Variants in PRKCB observed in about 807,000 individuals in gnomAD.
PRKCB encodes protein kinase C beta type.
PRKCB carries 13 observed loss-of-function variants against 81.5 expected under a neutral mutation model. The ratio of observed to expected loss-of-function variants is 0.16; its 90% CI spans 0.10 to 0.25. The LOEUF (loss-of-function observed/expected upper bound fraction) is 0.25. Among genes scored for constraint, PRKCB ranks in the 10% least tolerant of loss-of-function variants. PRKCB has a pLI of 1.00. For missense variants in PRKCB, 509 were observed against 875.7 expected (o/e 0.58, Z 5.29); for synonymous variants, 335 against 321.4 (o/e 1.04, Z -0.45).
Position 24,194,509 on chromosome 16 carries a change from A to G in PRKCB, c.1863+3279A>G, listed in dbSNP as rs796554045. Reference sequence around the variant, plus strand: ...TCAGGGGTAGTGATGGTTCAAAGTCAGGTTGCTATTTAGCCAGCATCTGTT... The same window carrying G: ...TCAGGGGTAGTGATGGTTCAAAGTCGGGTTGCTATTTAGCCAGCATCTGTT... On this transcript the variant is annotated intron_variant, in intron 16 of 16. Transcript: ENST00000643927. Among the ~76,000 whole-genome samples the G allele has an allele frequency of 1.6e-4, 24 of 152,296 alleles. No individual in the cohort carries two copies. In the East Asian group the frequency reaches 3.1e-3, roughly 20 times the overall value.
intron 2 of PRKCB, among the ~76,000 whole-genome samples, chr16:23,979,574 A>G (rs1423151058): frequency 2.0e-5 from 3 of 152,092 alleles, no homozygotes; most frequent in Non-Finnish European, 4.4e-5. Context: ...GGGAATGTAC[A>G]GGAAGATATG....
At chr16:24,208,222 T>G (rs1404268385) in intron 16 of PRKCB, 4 of 152,256 alleles carry the variant, frequency 2.6e-5, no homozygotes, top group Non-Finnish European at 1.5e-5. Flanking sequence ...CAGTGAGCTA[T>G]GATCACGCCA....
intron 15 of PRKCB, among the ~76,000 whole-genome samples, chr16:24,190,460 A>G (rs1967772314): frequency 6.6e-6 from 1 of 151,010 alleles, no homozygotes; most frequent in African/African-American, 2.4e-5. Context: ...AAATGGATAA[A>G]TGGATCATGT....
At chr16:24,083,046 A>G in intron 5 of PRKCB, among the ~76,000 whole-genome samples, 1 of 152,222 alleles carries the variant, frequency 6.6e-6, no homozygotes, top group Non-Finnish European at 1.5e-5. Flanking sequence ...ACTTTACCAA[A>G]TAATACAAGG....
chr16:24,071,534 G>T (rs1025097989), intron 5 of PRKCB, among the ~76,000 whole-genome samples: 2 of 151,790 alleles, frequency 1.3e-5, no homozygotes, highest in African/African-American at 4.8e-5. Context: ...TTTTAATGTG[G>T]ATCCAGAATT....
At chr16:23,892,728 C>T (rs74014172) in intron 2 of PRKCB, among the ~76,000 whole-genome samples, 1 of 152,136 alleles carries the variant, frequency 6.6e-6, no homozygotes, top group South Asian at 2.1e-4. Context: ...TGGATGGGAG[C>T]TCAACACAAT....
chr16:23,984,640 G>A (rs1399742072), intron 2 of PRKCB, among the ~76,000 whole-genome samples: 3 of 152,056 alleles, frequency 2.0e-5, no homozygotes, highest in Admixed American at 2.0e-4. Context: ...ACCTAACAAT[G>A]CAATATGAAG....
intron 5 of PRKCB, among the ~76,000 whole-genome samples, chr16:24,086,412 C>T (rs1388373488): frequency 6.6e-6 from 1 of 152,182 alleles, no homozygotes; most frequent in African/African-American, 2.4e-5. Flanking sequence ...TCCCTCCAAC[C>T]CTGGTTAGGG....
At chr16:24,119,261 G>C (rs1421272819) in intron 8 of PRKCB, among the ~76,000 whole-genome samples, 1 of 151,974 alleles carries the variant, frequency 6.6e-6, no homozygotes, top group Non-Finnish European at 1.5e-5. Flanking sequence ...CAGATTCAGA[G>C]GAGAGAAGGG....
chr16:23,856,335 C>A (rs1004414193), intron 2 of PRKCB, among the ~76,000 whole-genome samples: 11 of 152,154 alleles, frequency 7.2e-5, no homozygotes, highest in Non-Finnish European at 1.6e-4. Context: ...TTGCCCTTAA[C>A]CCCTGTATCA....
At chr16:24,175,828 C>T (rs1967520767) in intron 12 of PRKCB, among the ~76,000 whole-genome samples, 2 of 151,742 alleles carry the variant, frequency 1.3e-5, no homozygotes, top group Non-Finnish European at 2.9e-5. Context: ...TAAAATTAGC[C>T]AGGTGTGATG....
chr16:24,020,232 G>T (rs936563027), intron 3 of PRKCB, among the ~76,000 whole-genome samples: 2 of 152,114 alleles, frequency 1.3e-5, no homozygotes, highest in Non-Finnish European at 2.9e-5. Context: ...AGAAAAGGCA[G>T]TTTGCATATT....
At chr16:23,940,859 TCA>T (rs766936571) in intron 2 of PRKCB, among the ~76,000 whole-genome samples, 25 of 152,178 alleles carry the variant, frequency 1.6e-4, no homozygotes, top group Non-Finnish European at 3.2e-4. Context: ...ATTTACTCTC[TCA>T]GTCTCAATCT....
intron 2 of PRKCB, among the ~76,000 whole-genome samples, chr16:23,920,572 C>G (rs970270841): frequency 2.6e-5 from 4 of 152,194 alleles, no homozygotes; most frequent in African/African-American, 7.2e-5. Context: ...CAGAGGGAAG[C>G]AGAGCCCCTG....
At chr16:23,951,581 T>A (rs1293333275) in intron 2 of PRKCB, among the ~76,000 whole-genome samples, 4 of 16,586 alleles carry the variant, frequency 2.4e-4, no homozygotes, top group Non-Finnish European at 6.6e-4. Context: ...ATGCCAGGCT[T>A]TTTTTTTTTT....
chr16:24,081,678 A>C (rs890749467), intron 5 of PRKCB, among the ~76,000 whole-genome samples: 2 of 151,994 alleles, frequency 1.3e-5, no homozygotes, highest in Non-Finnish European at 2.9e-5. Flanking sequence ...TTCGAGACCA[A>C]CCTGGCCAAC....
At chr16:24,092,192 C>T (rs1966384495) in intron 5 of PRKCB, among the ~76,000 whole-genome samples, 1 of 152,182 alleles carries the variant, frequency 6.6e-6, no homozygotes, top group Admixed American at 6.5e-5. Flanking sequence ...TCCCTCCAGC[C>T]TCTGGCAACT....
At chr16:24,183,397 T>C (rs1255215718) in intron 13 of PRKCB, among the ~76,000 whole-genome samples, 1 of 152,240 alleles carries the variant, frequency 6.6e-6, no homozygotes, top group Non-Finnish European at 1.5e-5. Flanking sequence ...TAGATTGTTA[T>C]TAACTATGGT....
At chr16:24,153,888 C>T (rs1432412774) in intron 9 of PRKCB, among the ~76,000 whole-genome samples, 1 of 152,206 alleles carries the variant, frequency 6.6e-6, no homozygotes, top group Admixed American at 6.5e-5. Context: ...ATCCCCAGTG[C>T]TTAGCAGGTT....
Sources: allele counts gnomAD v4.1 joint callset (sites outside exome capture counted in the v4.1 genomes callset), GRCh38; gene constraint gnomAD v4.1.1; transcripts MANE v1.5; gene names NCBI Gene and HGNC (gene_info 2026-07-23, HGNC 2026-07-21).